The following GGA2 variants were observed in gnomAD, a reference collection of about 807,000 sequenced individuals.
GGA2 encodes the protein golgi associated, gamma adaptin ear containing, ARF binding protein 2, also known as ADP-ribosylation factor-binding protein GGA2.
In GGA2, 48 loss-of-function variants were observed where a neutral mutation model predicts 79.5. The observed-to-expected ratio is 0.60, with a 90% CI of 0.48 to 0.77. GGA2 has a LOEUF of 0.77. GGA2 is among the 30% of genes least tolerant of loss of function. The probability of loss-of-function intolerance (pLI) is 0.00; values close to 1 mark genes in which losing one functional copy is unlikely to be tolerated. For missense variants in GGA2, 770 were observed against 774.0 expected (o/e 0.99, Z 0.06); for synonymous variants, 317 against 302.0 (o/e 1.05, Z -0.51).
At chr16:23,486,518 C>T (rs1026514379) in intron 7 of GGA2, among the ~76,000 whole-genome samples, 192 bp downstream of exon 7, 35 of 152,130 alleles carry the variant, frequency 2.3e-4, no homozygotes, top group African/African-American at 1.4e-4. Flanking sequence ...AGTACGGCAG[C>T]GGGATTTCTG....
In GGA2 at chr16:23,465,593, T is replaced by C. The variant is rs1964425920; in HGVS notation, c.*1997A>G. The C allele has an allele frequency of 6.6e-6, 4 of 604,636 alleles. No homozygotes were observed. The East Asian group carries it at 1.1e-4, about 17-fold the overall frequency. The allele number at this position is 604,636 out of a possible 1,614,324, so 37.5% of individuals were successfully genotyped here. A position where few individuals can be genotyped will look rare whatever the true frequency, so the allele number is the denominator to read the frequency against. The stretch of plus-strand genomic sequence containing the variant: ...ACCAAAACCCTTCAGAGGGAGATGC[T>C]GTCATTATGATGGGTACCTCTTCAA... On this transcript the variant is annotated 3_prime_UTR_variant, in exon 17 of 17. Coordinates refer to ENST00000309859, the MANE Select transcript of GGA2 (RefSeq NM_015044.4).
At chr16:23,512,556 G>A (rs780421745), upstream of GGA2, among the ~76,000 whole-genome samples, 48 of 60,584 alleles carry the variant, frequency 7.9e-4, no homozygotes, top group Admixed American at 1.4e-3. Context: ...ATACTGTTCT[G>A]GGAACACACA....
chr16:23,474,947 T>C lies in GGA2; in HGVS notation c.1407A>G (p.Thr469=), dbSNP rs745922578. 24 of 1,612,378 alleles carry C rather than the reference T, an allele frequency of 1.5e-5. No homozygotes were observed. The South Asian group carries it at 2.6e-4, about 18-fold the overall frequency. ...AAGGGACAAACACTTGAGCCAGAGGTGTATTCTGTGAAGATGGGGAAGGAG... is the reference window on the plus strand; with the variant it reads ...AAGGGACAAACACTTGAGCCAGAGGCGTATTCTGTGAAGATGGGGAAGGAG... ...PLAPSPSSQN[T]PLAQVFVPLE... The change falls in exon 14 of 17, where the codon ACA becomes ACG. Residue 469 remains threonine, a synonymous_variant. Coordinates refer to ENST00000309859, the MANE Select transcript of GGA2 (RefSeq NM_015044.4).
At chr16:23,489,179 G>A (rs1964751781) in intron 5 of GGA2, among the ~76,000 whole-genome samples, 2 of 152,148 alleles carry the variant, frequency 1.3e-5, no homozygotes, top group Admixed American at 1.3e-4. Context: ...CACAAAGGTG[G>A]GAACTATCAC....
At chr16:23,515,120 GT>G (rs942316812), upstream of GGA2, among the ~76,000 whole-genome samples, 47 of 147,458 alleles carry the variant, frequency 3.2e-4, no homozygotes, top group South Asian at 6.5e-4. Context: ...ATTTCATGGG[GT>G]TTTTTTTTTC....
At chr16:23,508,567 G>A (rs1232079279) in intron 1 of GGA2, among the ~76,000 whole-genome samples, 2 of 152,106 alleles carry the variant, frequency 1.3e-5, no homozygotes, top group South Asian at 2.1e-4. Flanking sequence ...TTTGCTATCA[G>A]TGGGTGCCCC....
chr16:23,515,303 A>T (rs191261892), upstream of GGA2, among the ~76,000 whole-genome samples: 1 of 152,056 alleles, frequency 6.6e-6, no homozygotes, highest in African/African-American at 2.4e-5. Context: ...ACAAAACCAA[A>T]AAATATTAAA....
chr16:23,503,578 C>A (rs989014996), intron 1 of GGA2, among the ~76,000 whole-genome samples: 2 of 152,132 alleles, frequency 1.3e-5, no homozygotes, highest in Non-Finnish European at 2.9e-5. Flanking sequence ...AATGTACTTA[C>A]GATGAGTTTA....
chr16:23,515,851 T>C (rs1462669685), intron 2 of GGA2, among the ~76,000 whole-genome samples: 1 of 152,160 alleles, frequency 6.6e-6, no homozygotes, highest in Non-Finnish European at 1.5e-5. Context: ...ATTTTTATTT[T>C]TTCTACAGAC....
rs1412912009 is a variant in GGA2, at chr16:23,466,479, C to T, written c.*1111G>A. ...CTTCTCTGAGGCAGCTAAGCTTCTA[C>T]ATCCTTCATGAAGTTTCCTTTACTT... On this transcript the variant is annotated 3_prime_UTR_variant, in exon 17 of 17. Transcript: ENST00000309859. 1 of 152,254 alleles carries T rather than the reference C, an allele frequency of 6.6e-6. No individual in the cohort carries two copies. Among genetic ancestry groups the T allele is most frequent in the Non-Finnish European group, 1.5e-5 (1 of 68,046 alleles). The allele number at this position is 152,254 out of a possible 1,614,324, so 9.4% of individuals were successfully genotyped here.
At chr16:23,511,016 CGT>C (rs145140640), upstream of GGA2, among the ~76,000 whole-genome samples, 661 of 28,816 alleles carry the variant, frequency 0.023, 76 homozygotes, top group East Asian at 0.055. Context: ...TGGGTTTCAC[CGT>C]GTGTGTGTGT....
At chr16:23,480,486 C>T (rs1255443218) in intron 10 of GGA2, 159 bp downstream of exon 10, 1 of 612,812 alleles carries the variant, frequency 1.6e-6, no homozygotes, top group Non-Finnish European at 2.8e-6. Context: ...ATTCCTATGG[C>T]TGGGTGTGGC....
Position 23,470,181 on chromosome 16 carries a change from C to G in GGA2, c.1451-16G>C, listed in dbSNP as rs1964492496. 2 of 1,574,710 alleles carry G rather than the reference C, an allele frequency of 1.3e-6. No individual in the cohort carries two copies. Among genetic ancestry groups the G allele is most frequent in the Middle Eastern group, 2.1e-4 (1 of 4,694 alleles). ...GGCAGGCTGCCTGGTATAAAGGGCACAAGCAGAAGGTTTAACACCACTACA... is the reference window on the plus strand; with the variant it reads ...GGCAGGCTGCCTGGTATAAAGGGCAGAAGCAGAAGGTTTAACACCACTACA... On this transcript the variant is annotated splice_polypyrimidine_tract_variant and intron_variant, in intron 14 of 16. Coordinates refer to ENST00000309859, the MANE Select transcript of GGA2 (RefSeq NM_015044.4).
intron 13 of GGA2, among the ~76,000 whole-genome samples, chr16:23,475,603 T>C (rs1020548349): frequency 2.0e-5 from 3 of 151,796 alleles, no homozygotes; most frequent in South Asian, 4.2e-4. Context: ...AATGAGACGA[T>C]GTATGAAAAG....
chr16:23,464,969 A>G lies in GGA2; in HGVS notation c.*2621T>C, dbSNP rs1567355288. The G allele has an allele frequency of 4.0e-6, 1 of 249,618 alleles. No individual in the cohort carries two copies. The highest frequency in any genetic ancestry group is 7.8e-6 in the Non-Finnish European group (1 of 127,588). The allele number at this position is 249,618 out of a possible 1,614,324, so 15.5% of individuals were successfully genotyped here. ...AACCATCACACTTAAGAGACAGAGG[A>G]AAAAGAGCAGTCACGGAGGTAGGTC... On this transcript the variant is annotated 3_prime_UTR_variant, in exon 17 of 17. Coordinates refer to ENST00000309859, the MANE Select transcript of GGA2 (RefSeq NM_015044.4).
At position 23,480,563 on chromosome 16, in the gene GGA2, AAT is replaced by A; in HGVS notation, c.1006+80_1006+81del. 1.7e-6 allele frequency: 2 copies of A among 1,204,098 alleles called. 1 individual carries two copies. Among genetic ancestry groups the A allele is most frequent in the South Asian group, 2.8e-5 (2 of 71,904 alleles). The allele number at this position is 1,204,098 out of a possible 1,614,324, so 74.6% of individuals were successfully genotyped here. ...CTCTCATTTCTATTCCTTAACCCAG[AAT>A]ATGTTTAGGACCCATTTCTTTTCTG... On this transcript the variant is annotated intron_variant, in intron 10 of 16. Coordinates refer to ENST00000309859, the MANE Select transcript of GGA2 (RefSeq NM_015044.4).
chr16:23,483,428 T>G (rs1404059719), intron 8 of GGA2, among the ~76,000 whole-genome samples: 1 of 152,134 alleles, frequency 6.6e-6, no homozygotes, highest in South Asian at 2.1e-4. Context: ...AGTAGTTCAT[T>G]TCTACTAATC....
intron 11 of GGA2, chr16:23,479,188 A>T (rs1469351536): frequency 1.5e-5 from 8 of 540,410 alleles, no homozygotes; most frequent in Non-Finnish European, 2.4e-5. Context: ...TTGCCTCAGC[A>T]GCAGGTATGT....
At chr16:23,519,652 A>G (rs1343312222) in intron 1 of GGA2, 1 of 414,456 alleles carries the variant, frequency 2.4e-6, no homozygotes, top group African/African-American at 2.1e-5. Flanking sequence ...GCAGAGGGAA[A>G]ACAAGGGGAG....
Sources: gnomAD v4.1 joint callset for allele counts (sites outside exome capture counted in the v4.1 genomes callset) on GRCh38, gnomAD v4.1.1 for gene constraint, MANE v1.5 for transcripts, NCBI Gene and HGNC (gene_info 2026-07-23, HGNC 2026-07-21) for gene names.